Variants in MAPKAP1 observed in about 807,000 individuals in gnomAD.
MAPKAP1 encodes the protein target of rapamycin complex 2 subunit MAPKAP1.
Under a neutral mutation model 65.7 loss-of-function variants are expected in MAPKAP1, and 20 were observed. The ratio of observed to expected loss-of-function variants is 0.30; its 90% CI spans 0.21 to 0.44. MAPKAP1 has a LOEUF of 0.44. Ranked by LOEUF, MAPKAP1 falls within the 20% of genes least tolerant of loss-of-function variation. MAPKAP1 has a pLI of 1.00. For synonymous variants in MAPKAP1, 222 were observed against 244.3 expected (o/e 0.91, Z 0.85); for missense variants, 423 against 648.0 (o/e 0.65, Z 3.77).
At chr9:125,545,346 G>A (rs780790622) in intron 6 of MAPKAP1, among the ~76,000 whole-genome samples, 29 of 152,198 alleles carry the variant, frequency 1.9e-4, no homozygotes, top group Non-Finnish European at 2.1e-4. Context: ...TTGCTCTGGC[G>A]CTAGGCCAGT....
chr9:125,537,040 T>C (rs1472085884), intron 7 of MAPKAP1, among the ~76,000 whole-genome samples: 1 of 152,238 alleles, frequency 6.6e-6, no homozygotes, highest in African/African-American at 2.4e-5. Context: ...TCAGAATCAA[T>C]GAACATTTCT....
intron 4 of MAPKAP1, among the ~76,000 whole-genome samples, chr9:125,635,237 C>T (rs1039230437): frequency 5.3e-5 from 8 of 152,208 alleles, no homozygotes; most frequent in African/African-American, 1.9e-4. Context: ...CACCAACAGT[C>T]AGAACTTAGA....
At chr9:125,698,316 T>TATATAG (rs1564622557) in intron 1 of MAPKAP1, among the ~76,000 whole-genome samples, 2 of 86,636 alleles carry the variant, frequency 2.3e-5, no homozygotes, top group East Asian at 8.1e-4. Context: ...TATATATATA[T>TATATAG]ATATATATAT....
chr9:125,650,590 C>T (rs536193822), intron 4 of MAPKAP1: 2 of 152,334 alleles, frequency 1.3e-5, no homozygotes, highest in Non-Finnish European at 2.9e-5. Flanking sequence ...TGGCAAGAGT[C>T]TGCCTTCCTT....
chr9:125,548,777 C>A (rs1830501294), intron 6 of MAPKAP1, among the ~76,000 whole-genome samples: 1 of 152,082 alleles, frequency 6.6e-6, no homozygotes, highest in Non-Finnish European at 1.5e-5. Flanking sequence ...AATGATGAGA[C>A]AATAATATTC....
rs1045194160 is a variant in MAPKAP1 at position 125,656,757 on chromosome 9, G to C, written c.498+894C>G. Among the ~76,000 whole-genome samples the C allele has an allele frequency of 2.6e-5, 4 of 152,098 alleles. No individual in the cohort carries two copies. In the South Asian group the frequency reaches 8.3e-4, roughly 32 times the overall value. ...CACTCAGCACCCCACACCACTGCCAGACAGCAAACATCATGGCAATAAATA... is the reference window on the plus strand; with the variant it reads ...CACTCAGCACCCCACACCACTGCCACACAGCAAACATCATGGCAATAAATA... On this transcript the variant is annotated intron_variant, in intron 4 of 11. Coordinates refer to ENST00000265960, the MANE Select transcript of MAPKAP1 (RefSeq NM_001006617.3).
intron 4 of MAPKAP1, among the ~76,000 whole-genome samples, chr9:125,589,794 C>A (rs1312403962): frequency 6.6e-6 from 1 of 152,156 alleles, no homozygotes; most frequent in Non-Finnish European, 1.5e-5. Context: ...AAAAATAATT[C>A]TCCTACATAA....
intron 6 of MAPKAP1, among the ~76,000 whole-genome samples, chr9:125,556,510 G>A (rs1393899557): frequency 6.6e-6 from 1 of 152,154 alleles, no homozygotes; most frequent in Non-Finnish European, 1.5e-5. Flanking sequence ...TAAAAACTGG[G>A]CTATTTTGGG....
chr9:125,507,780 G>GC (rs1829186008), intron 7 of MAPKAP1, among the ~76,000 whole-genome samples: 1 of 152,134 alleles, frequency 6.6e-6, no homozygotes, highest in East Asian at 1.9e-4. Flanking sequence ...AGCCTACACA[G>GC]TTCTTTTAAA....
chr9:125,683,662 C>T (rs1160882282), intron 1 of MAPKAP1, among the ~76,000 whole-genome samples: 2 of 152,158 alleles, frequency 1.3e-5, no homozygotes, highest in East Asian at 3.8e-4. Flanking sequence ...CAGCTGACAC[C>T]TTAATTTCAT....
chr9:125,530,941 T>C (rs775300676), intron 7 of MAPKAP1, among the ~76,000 whole-genome samples: 11 of 152,252 alleles, frequency 7.2e-5, no homozygotes, highest in Non-Finnish European at 1.3e-4. Flanking sequence ...CTAAGTGTTT[T>C]ACATGCATTC....
chr9:125,573,071 T>C (rs1831285174), intron 5 of MAPKAP1: 3 of 123,282 alleles, frequency 2.4e-5, no homozygotes, highest in African/African-American at 9.2e-5. Context: ...TCTGCAACTC[T>C]TACGATTAAA....
chr9:125,630,150 A>C (rs560340853), intron 4 of MAPKAP1, among the ~76,000 whole-genome samples: 1 of 152,208 alleles, frequency 6.6e-6, no homozygotes, highest in South Asian at 2.1e-4. Context: ...AGGGTCCAGG[A>C]ACTCTCGCTC....
At chr9:125,544,771 G>A (rs1830372757) in intron 6 of MAPKAP1, among the ~76,000 whole-genome samples, 1 of 152,142 alleles carries the variant, frequency 6.6e-6, no homozygotes. Context: ...TCATATTGAC[G>A]AGAAATCTGA....
At chr9:125,577,317 G>C (rs1365855889) in intron 5 of MAPKAP1, among the ~76,000 whole-genome samples, 1 of 150,882 alleles carries the variant, frequency 6.6e-6, no homozygotes, top group Non-Finnish European at 1.5e-5. Flanking sequence ...GAGCCCCTCC[G>C]CCCGGCAGCC....
chr9:125,675,134 C>A (rs922145855), intron 1 of MAPKAP1, among the ~76,000 whole-genome samples: 3 of 152,118 alleles, frequency 2.0e-5, no homozygotes, highest in Non-Finnish European at 4.4e-5. Context: ...ACAGCAATCA[C>A]AATAAGCCAT....
At chr9:125,623,837 C>T (rs1589355084) in intron 4 of MAPKAP1, among the ~76,000 whole-genome samples, 1 of 29,016 alleles carries the variant, frequency 3.4e-5, no homozygotes, top group Non-Finnish European at 1.0e-4. Context: ...GGCCAGCCGC[C>T]CCGTCCGGGA....
intron 4 of MAPKAP1, among the ~76,000 whole-genome samples, chr9:125,601,208 A>C (rs372465076): frequency 6.6e-6 from 1 of 152,140 alleles, no homozygotes; most frequent in Non-Finnish European, 1.5e-5. Context: ...AATTATATGG[A>C]AATTTTGGTA....
intron 4 of MAPKAP1, among the ~76,000 whole-genome samples, chr9:125,633,185 G>T (rs1422602376): frequency 6.6e-6 from 1 of 152,186 alleles, no homozygotes; most frequent in African/African-American, 2.4e-5. Context: ...GAGATTTAAG[G>T]AAGATTTCAA....
Sources: allele counts gnomAD v4.1 joint callset (sites outside exome capture counted in the v4.1 genomes callset), GRCh38; gene constraint gnomAD v4.1.1; transcripts MANE v1.5; gene names NCBI Gene and HGNC (gene_info 2026-07-23, HGNC 2026-07-21).